Variants in RHOQ observed in about 807,000 individuals in gnomAD.
The protein encoded by RHOQ is ras homolog family member Q.
Under a neutral mutation model 25.8 loss-of-function variants are expected in RHOQ, and 7 were observed. That is an observed-to-expected ratio of 0.27 (90% CI 0.15 to 0.51). The LOEUF is 0.51. Ranked by LOEUF, RHOQ falls within the 20% of genes least tolerant of loss-of-function variation. The pLI is 0.97. For missense variants in RHOQ, 165 were observed against 260.6 expected (o/e 0.63, Z 2.53); for synonymous variants, 97 against 98.6 (o/e 0.98, Z 0.10).
chr2:46,549,145 A>G (rs549306802), intron 2 of RHOQ, among the ~76,000 whole-genome samples: 1 of 152,274 alleles, frequency 6.6e-6, no homozygotes, highest in African/African-American at 2.4e-5. Context: ...AGGTTTGGTG[A>G]CATTCCCACG....
At position 46,543,794 on chromosome 2, in the gene RHOQ, CTA is replaced by C; in HGVS notation, c.185_186del (p.Tyr62Ter). 1.2e-6 allele frequency: 2 copies of C among 1,613,760 alleles called. No individual in the cohort carries two copies. The highest frequency in any genetic ancestry group is 1.7e-6 in the Non-Finnish European group (2 of 1,179,846). ...VGGKQYLLGL[Y>X]DTAGQEDYDR... ...GGGGCAAGCAGTACCTCCTAGGACTCTATGACACGGCCGGACAGGTGAGTGTC... is the reference window on the plus strand; with the variant it reads ...GGGGCAAGCAGTACCTCCTAGGACTCTGACACGGCCGGACAGGTGAGTGTC... On this transcript the variant is annotated frameshift_variant, in exon 2 of 5. Transcript: ENST00000238738. LOFTEE classifies it high-confidence loss of function.
chr2:46,567,061 A>G (rs1004294549), intron 2 of RHOQ, among the ~76,000 whole-genome samples: 6 of 152,236 alleles, frequency 3.9e-5, no homozygotes, highest in Non-Finnish European at 8.8e-5. Context: ...TGAAATCTAT[A>G]GATAATATAA....
chr2:46,561,476 C>G (rs373491754), intron 2 of RHOQ, among the ~76,000 whole-genome samples: 13 of 152,134 alleles, frequency 8.5e-5, no homozygotes, highest in Admixed American at 5.2e-4. Flanking sequence ...GCCATTAAAT[C>G]TAAGGTGGGA....
intron 2 of RHOQ, among the ~76,000 whole-genome samples, chr2:46,572,099 A>C (rs1023679827): frequency 1.6e-5 from 2 of 126,430 alleles, no homozygotes; most frequent in African/African-American, 6.3e-5. Context: ...ATCAGGTGGT[A>C]AGTGTGTGTT....
chr2:46,553,366 C>A (rs1026117650), intron 2 of RHOQ, among the ~76,000 whole-genome samples: 1 of 151,868 alleles, frequency 6.6e-6, no homozygotes, highest in Non-Finnish European at 1.5e-5. Flanking sequence ...GTATAGTAGG[C>A]GTAAACATTT....
At position 46,576,552 on chromosome 2, in the gene RHOQ, CTTAA is replaced by C. The variant is rs1284123141; in HGVS notation, c.367-5_367-2del. ...ATATTATGGGACATTATTGACCTTTCTTAATTAGATTGATCTCCGAGATGACCCC... is the reference window on the plus strand; with the variant it reads ...ATATTATGGGACATTATTGACCTTTCTTAGATTGATCTCCGAGATGACCCC... On this transcript the variant is annotated splice_region_variant and splice_polypyrimidine_tract_variant and intron_variant, in intron 3 of 4. Transcript: ENST00000238738. This position sits in a 1 kb window ranked among gnomAD's most constrained non-coding sequence, Gnocchi z 5.1. 8 of 1,549,656 alleles carry C rather than the reference CTTAA, an allele frequency of 5.2e-6. No homozygotes were observed. In the African/African-American group the frequency reaches 9.6e-5, roughly 19 times the overall value.
chr2:46,574,544 C>A (rs1420446531), intron 2 of RHOQ, among the ~76,000 whole-genome samples: 1 of 152,076 alleles, frequency 6.6e-6, no homozygotes, highest in South Asian at 2.1e-4. Context: ...TTTCTTAACA[C>A]CAGGGCACTG....
chr2:46,557,330 A>C (rs1668439015), intron 2 of RHOQ, among the ~76,000 whole-genome samples: 3 of 152,228 alleles, frequency 2.0e-5, no homozygotes, highest in Admixed American at 2.0e-4. Flanking sequence ...GTAAAAAGGG[A>C]GTTGCTAAAT....
intron 4 of RHOQ, chr2:46,580,111 C>T (rs1669297804): frequency 1.3e-5 from 2 of 152,454 alleles, no homozygotes; most frequent in Admixed American, 1.3e-4. Flanking sequence ...AATGTAAGCG[C>T]AATCATGTCA....
At chr2:46,570,206 C>T (rs1484728978) in intron 2 of RHOQ, among the ~76,000 whole-genome samples, 2 of 152,032 alleles carry the variant, frequency 1.3e-5, no homozygotes, top group Non-Finnish European at 2.9e-5. Flanking sequence ...TTTGGGAGGC[C>T]AAGGGAGGCG....
At chr2:46,554,364 A>G (rs1047182452) in intron 2 of RHOQ, among the ~76,000 whole-genome samples, 10 of 152,192 alleles carry the variant, frequency 6.6e-5, no homozygotes, top group African/African-American at 2.2e-4. Context: ...TTAGTGTGCT[A>G]TGTGGCCTAG....
chr2:46,546,108 A>G (rs1468759336), intron 2 of RHOQ, among the ~76,000 whole-genome samples: 1 of 152,014 alleles, frequency 6.6e-6, no homozygotes, highest in African/African-American at 2.4e-5. Context: ...GTTTATTACT[A>G]ATAAGCAACT....
chr2:46,579,695 A>C (rs1370493772), intron 4 of RHOQ, among the ~76,000 whole-genome samples: 1 of 152,044 alleles, frequency 6.6e-6, no homozygotes, highest in East Asian at 1.9e-4. Context: ...CTACTAATAC[A>C]AAATTAGCTG....
chr2:46,563,486 C>T (rs1387755753), intron 2 of RHOQ, among the ~76,000 whole-genome samples: 1 of 152,050 alleles, frequency 6.6e-6, no homozygotes, highest in South Asian at 2.1e-4. Context: ...CACGGGGAAC[C>T]GTCTGTAGTA....
At chr2:46,574,335 T>C (rs979414772) in intron 2 of RHOQ, among the ~76,000 whole-genome samples, 1 of 140,862 alleles carries the variant, frequency 7.1e-6, no homozygotes, top group South Asian at 2.2e-4. Flanking sequence ...ACATACTGTT[T>C]CTTTTTTTTT....
At position 46,548,398 on chromosome 2, in the gene RHOQ, G is replaced by A. The variant is rs913015492; in HGVS notation, c.201+4586G>A. 3.9e-5 allele frequency among the ~76,000 whole-genome samples: 6 copies of A among 152,150 alleles called. No individual in the cohort carries two copies. The highest frequency in any genetic ancestry group is 8.8e-5 in the Non-Finnish European group (6 of 68,022). On this transcript the variant is annotated intron_variant, in intron 2 of 4. Coordinates refer to ENST00000238738, the MANE Select transcript of RHOQ (RefSeq NM_012249.4). The surrounding 1 kb of genome is among the most constrained non-coding windows in gnomAD (Gnocchi z 5.2). ...CATGATGAGAAAAGGGAAGGAGAAA[G>A]GGCCATGGGATCACCACTCACCAGG...
chr2:46,568,536 A>G (rs1048047056), intron 2 of RHOQ: 4 of 152,204 alleles, frequency 2.6e-5, no homozygotes, highest in Non-Finnish European at 5.9e-5. Flanking sequence ...CACTCTTGCT[A>G]TGCAACAGGC....
At chr2:46,568,368 A>G (rs1385128751) in intron 2 of RHOQ, 1 of 152,188 alleles carries the variant, frequency 6.6e-6, no homozygotes, top group Admixed American at 6.5e-5. Context: ...TTATATAGCA[A>G]GCTTTTAGGG....
intron 2 of RHOQ, among the ~76,000 whole-genome samples, chr2:46,547,227 T>G (rs1668100365): frequency 6.6e-6 from 1 of 152,216 alleles, no homozygotes; most frequent in African/African-American, 2.4e-5. Context: ...TGTATTTGAA[T>G]AACAGCAACA....
Sources: gnomAD v4.1 joint callset for allele counts (sites outside exome capture counted in the v4.1 genomes callset) on GRCh38, gnomAD v4.1.1 for gene constraint, Gnocchi (gnomAD v3.1) non-coding constraint, MANE v1.5 for transcripts, NCBI Gene and HGNC (gene_info 2026-07-23, HGNC 2026-07-21) for gene names.